TIGD1: variants seen among roughly 807,000 people sequenced by gnomAD.
TIGD1 encodes the protein tigger transposable element derived 1, also known as tigger transposable element-derived protein 1.
In TIGD1, 20 loss-of-function variants were observed where a neutral mutation model predicts 21.3. The observed-to-expected ratio is 0.94, with a 90% CI of 0.66 to 1.36. The LOEUF is 1.36. Ranked by LOEUF, TIGD1 falls within the 40% of genes most tolerant of loss-of-function variation. TIGD1 has a pLI of 0.00. For missense variants in TIGD1, 556 were observed against 350.5 expected (o/e 1.59, Z -4.68); for synonymous variants, 177 against 123.2 (o/e 1.44, Z -2.89).
Position 232,544,238 on chromosome 2 carries a change from T to C in TIGD1, c.*3869A>G, listed in dbSNP as rs1692077696. 3.8e-6 allele frequency: 3 copies of C among 788,788 alleles called. No homozygotes were observed. The highest frequency in any genetic ancestry group is 4.5e-6 in the Non-Finnish European group (2 of 444,482). 48.9% of individuals were successfully genotyped at this position (788,788 alleles called of 1,614,324 possible). ...GGCTCGTGTCCAGTATAGAAAGCTT[T>C]ACCAAGGCCACGTCACTGCCCCGGT... is the stretch of plus-strand genomic sequence containing the variant. On this transcript the variant is annotated 3_prime_UTR_variant, in exon 1 of 1. Transcript: ENST00000408957.
rs2106226030 is a variant in TIGD1, at chr2:232,548,828, T to C, written c.1055A>G (p.His352Arg). The change falls in exon 1 of 1, where the codon CAT becomes CGT. Residue 352 changes from histidine to arginine, a missense_variant. Transcript: ENST00000408957. ...FKSYYLRNTF[H>R]KALAAMDSDV... ...ACTATCCATGGCAGCTAGAGCCTTA[T>C]GAAATGTATTTCTCAAATAATAAGA... 7 of 581,982 alleles carry C rather than the reference T, an allele frequency of 1.2e-5. No individual in the cohort carries two copies. The highest frequency in any genetic ancestry group is 1.2e-4 in the South Asian group (7 of 60,306). The allele number at this position is 581,982 out of a possible 1,614,324, so 36.1% of individuals were successfully genotyped here. A position where few individuals can be genotyped will look rare whatever the true frequency, so the allele number is the denominator to read the frequency against.
rs377400953 is a variant in TIGD1, at chr2:232,545,766, T to A, written c.*2341A>T. The A allele has an allele frequency of 1.9e-5, 30 of 1,596,886 alleles. No individual in the cohort carries two copies. In the African/African-American group the frequency reaches 3.9e-4, roughly 21 times the overall value. ...TGGGAGTCACACACGTGGGTCACAC[T>A]GAGTCTTATCAGCCACGTTCTCCTA... is the stretch of plus-strand genomic sequence containing the variant. On this transcript the variant is annotated 3_prime_UTR_variant, in exon 1 of 1. Transcript: ENST00000408957.
rs901483680 is a variant in TIGD1 at position 232,548,957 on chromosome 2, C to T, written c.926G>A (p.Arg309Lys). The change falls in exon 1 of 1, where the codon AGA becomes AAA. Residue 309 changes from arginine (R) to lysine (K), a missense_variant. Arg to Lys is a conservative substitution (Grantham distance 26). Coordinates refer to ENST00000408957, the MANE Select transcript of TIGD1 (RefSeq NM_145702.4). ...LLIDNAPSHPRALMEIYEEIN... is the reference protein window; with the variant it reads ...LLIDNAPSHPKALMEIYEEIN... ...CTCCTCGTATATCTCCATCAGAGCT[C>T]TTGGATGACTAGGGGCATTGTCAAT... The T allele has an allele frequency of 1.5e-6, 1 of 687,168 alleles. No homozygotes were observed. The allele number at this position is 687,168 out of a possible 1,614,324, so 42.6% of individuals were successfully genotyped here.
chr2:232,549,665 C>T lies in TIGD1; in HGVS notation c.218G>A (p.Arg73Lys). Reference sequence around the variant, plus strand: ...ATCAGCAATAAGGCTGTTTCGCTTTCTTATCATTCGTGTGTTCATTGGAGT... The same window carrying T: ...ATCAGCAATAAGGCTGTTTCGCTTTTTTATCATTCGTGTGTTCATTGGAGT... ...SATPMNTRMI[R>K]KRNSLIADME... Residue 73 changes from arginine to lysine, a missense_variant, in exon 1 of 1, where the codon AGA becomes AAA. By Grantham distance (26) the Arg-to-Lys change is conservative. Transcript: ENST00000408957. 1 of 728,348 alleles carries T rather than the reference C, an allele frequency of 1.4e-6. No homozygotes were observed. Among genetic ancestry groups the T allele is most frequent in the South Asian group, 1.5e-5 (1 of 67,560 alleles). The allele number at this position is 728,348 out of a possible 1,614,324, so 45.1% of individuals were successfully genotyped here. A position where few individuals can be genotyped will look rare whatever the true frequency, so the allele number is the denominator to read the frequency against.
Position 232,545,417 on chromosome 2 carries a change from G to C in TIGD1, c.*2690C>G. On this transcript the variant is annotated 3_prime_UTR_variant, in exon 1 of 1. Coordinates refer to ENST00000408957, the MANE Select transcript of TIGD1 (RefSeq NM_145702.4). ...TGGAATTAGCCACCAGTTGGGACCCGGACATAGGTAAGAAGGGCCCCAGGA... is the reference window on the plus strand; with the variant it reads ...TGGAATTAGCCACCAGTTGGGACCCCGACATAGGTAAGAAGGGCCCCAGGA... 1.1e-6 allele frequency: 1 copy of C among 887,636 alleles called. No individual in the cohort carries two copies. Among genetic ancestry groups the C allele is most frequent in the Non-Finnish European group, 1.8e-6 (1 of 556,540 alleles). 55.0% of individuals were successfully genotyped at this position (887,636 alleles called of 1,614,324 possible). A position where few individuals can be genotyped will look rare whatever the true frequency, so the allele number is the denominator to read the frequency against.
Position 232,545,003 on chromosome 2 carries a change from G to A in TIGD1, c.*3104C>T. ...GGTTGCCAAGATAGGGCAGTGGGAT[G>A]GAAAAACATGAGGCCGGGTGCAGTG... On this transcript the variant is annotated 3_prime_UTR_variant, in exon 1 of 1. Coordinates refer to ENST00000408957, the MANE Select transcript of TIGD1 (RefSeq NM_145702.4). The A allele has an allele frequency of 1.3e-6, 2 of 1,489,054 alleles. No individual in the cohort carries two copies. Among genetic ancestry groups the A allele is most frequent in the South Asian group, 1.2e-5 (1 of 85,574 alleles). 92.2% of individuals were successfully genotyped at this position (1,489,054 alleles called of 1,614,324 possible). A position where few individuals can be genotyped will look rare whatever the true frequency, so the allele number is the denominator to read the frequency against.
chr2:232,545,627 G>A lies in TIGD1; in HGVS notation c.*2480C>T, dbSNP rs531106516. On this transcript the variant is annotated 3_prime_UTR_variant, in exon 1 of 1. Coordinates refer to ENST00000408957, the MANE Select transcript of TIGD1 (RefSeq NM_145702.4). ...GCTCTCGCTCTTCATCTGTGGCACAGCTGGCATCTTCCTCATGGCCCACTA... is the reference window on the plus strand; with the variant it reads ...GCTCTCGCTCTTCATCTGTGGCACAACTGGCATCTTCCTCATGGCCCACTA... 2 of 1,614,142 alleles carry A rather than the reference G, an allele frequency of 1.2e-6. No homozygotes were observed. The highest frequency in any genetic ancestry group is 1.3e-5 in the African/African-American group (1 of 75,060).
At position 232,550,502 on chromosome 2, in the gene TIGD1, G is replaced by A; in HGVS notation, c.-620C>T. ...AGAGCGGGCGGGTCACAAGGACCTG[G>A]ACAGAGGCAGAACTGAGGCCAGCAG... On this transcript the variant is annotated 5_prime_UTR_variant, in exon 1 of 1. Coordinates refer to ENST00000408957, the MANE Select transcript of TIGD1 (RefSeq NM_145702.4). The A allele has an allele frequency of 1.7e-6, 1 of 599,004 alleles. No homozygotes were observed. Among genetic ancestry groups the A allele is most frequent in the Non-Finnish European group, 3.0e-6 (1 of 337,966 alleles). The allele number at this position is 599,004 out of a possible 1,614,324, so 37.1% of individuals were successfully genotyped here. A position where few individuals can be genotyped will look rare whatever the true frequency, so the allele number is the denominator to read the frequency against.
At position 232,544,638 on chromosome 2, in the gene TIGD1, C is replaced by G; in HGVS notation, c.*3469G>C. On this transcript the variant is annotated 3_prime_UTR_variant, in exon 1 of 1. Coordinates refer to ENST00000408957, the MANE Select transcript of TIGD1 (RefSeq NM_145702.4). ...CTCCCCTGGGACCCCAGCTGGGGAG[C>G]CAGGCACAGCAGATGAGTGCTGGAG... 4 of 1,565,982 alleles carry G rather than the reference C, an allele frequency of 2.6e-6. No individual in the cohort carries two copies. The South Asian group carries it at 4.4e-5, about 17-fold the overall frequency.
Position 232,546,367 on chromosome 2 carries a change from G to T in TIGD1, c.*1740C>A. 1 of 145,452 alleles carries T rather than the reference G, an allele frequency of 6.9e-6. No individual in the cohort carries two copies. The highest frequency in any genetic ancestry group is 2.9e-5 in the African/African-American group (1 of 34,992). The allele number at this position is 145,452 out of a possible 1,614,324, so 9.0% of individuals were successfully genotyped here. On this transcript the variant is annotated 3_prime_UTR_variant, in exon 1 of 1. Transcript: ENST00000408957. ...TTGTTGTTGTTTTGTTTAGTTTTGA[G>T]ATAGAGCCTCACTCTTGTCATGCAA...
Position 232,545,222 on chromosome 2 carries a change from G to A in TIGD1, c.*2885C>T, listed in dbSNP as rs1162227862. ...CTCAGGAGGCTGAGGCAGGAGAATT[G>A]CTTGAACCTGGGAGGCGGAGGTTGC... On this transcript the variant is annotated 3_prime_UTR_variant, in exon 1 of 1. Coordinates refer to ENST00000408957, the MANE Select transcript of TIGD1 (RefSeq NM_145702.4). Among the ~76,000 whole-genome samples the A allele has an allele frequency of 2.0e-5, 3 of 151,928 alleles. No individual in the cohort carries two copies. The highest frequency in any genetic ancestry group is 4.4e-5 in the Non-Finnish European group (3 of 67,968).
Position 232,549,611 on chromosome 2 carries a change from T to G in TIGD1, c.272A>C (p.Glu91Ala). The G allele has an allele frequency of 1.4e-6, 1 of 693,834 alleles. No individual in the cohort carries two copies. Among genetic ancestry groups the G allele is most frequent in the Non-Finnish European group, 2.6e-6 (1 of 382,106 alleles). The allele number at this position is 693,834 out of a possible 1,614,324, so 43.0% of individuals were successfully genotyped here. A position where few individuals can be genotyped will look rare whatever the true frequency, so the allele number is the denominator to read the frequency against. Residue 91 changes from glutamate to alanine, a missense_variant, in exon 1 of 1, where the codon GAA becomes GCA. By Grantham distance (107) the Glu-to-Ala change is moderately radical. Coordinates refer to ENST00000408957, the MANE Select transcript of TIGD1 (RefSeq NM_145702.4). ...GGGAATGTTGCGGCTGGTCTGATCT[T>G]CTATCCAGACCACTAAAACCTTCTC... ...DMEKVLVVWI[E>A]DQTSRNIPLS...
chr2:232,547,530 A>G lies in TIGD1; in HGVS notation c.*577T>C, dbSNP rs1021127791. ...ACCTTGGAAATATGCCCTCCCTCCA[A>G]GCACAGGATTGCTGTCTTTGGGATT... On this transcript the variant is annotated 3_prime_UTR_variant, in exon 1 of 1. Coordinates refer to ENST00000408957, the MANE Select transcript of TIGD1 (RefSeq NM_145702.4). 7.9e-5 allele frequency among the ~76,000 whole-genome samples: 12 copies of G among 152,262 alleles called. No individual in the cohort carries two copies. The highest frequency in any genetic ancestry group is 2.9e-4 in the African/African-American group (12 of 41,474).
Position 232,548,824 on chromosome 2 carries a change from C to T in TIGD1, c.1059G>A (p.Lys353=), listed in dbSNP as rs992616781. ...CATCACTATCCATGGCAGCTAGAGC[C>T]TTATGAAATGTATTTCTCAAATAAT... ...KSYYLRNTFH[K]ALAAMDSDVS... is the part of the protein sequence containing the mutation. Residue 353 remains lysine (K), a synonymous_variant, in exon 1 of 1, where the codon AAG becomes AAA. Transcript: ENST00000408957. 1 of 577,472 alleles carries T rather than the reference C, an allele frequency of 1.7e-6. No homozygotes were observed. Among genetic ancestry groups the T allele is most frequent in the East Asian group, 3.8e-5 (1 of 26,024 alleles). The allele number at this position is 577,472 out of a possible 1,614,324, so 35.8% of individuals were successfully genotyped here. A position where few individuals can be genotyped will look rare whatever the true frequency, so the allele number is the denominator to read the frequency against.
chr2:232,548,678 A>G lies in TIGD1; in HGVS notation c.1205T>C (p.Val402Ala). 1 of 483,210 alleles carries G rather than the reference A, an allele frequency of 2.1e-6. No individual in the cohort carries two copies. The highest frequency in any genetic ancestry group is 4.0e-6 in the Non-Finnish European group (1 of 252,390). 29.9% of individuals were successfully genotyped at this position (483,210 alleles called of 1,614,324 possible). A position where few individuals can be genotyped will look rare whatever the true frequency, so the allele number is the denominator to read the frequency against. Residue 402 changes from valine to alanine, a missense_variant, in exon 1 of 1, where the codon GTT becomes GCT. By Grantham distance (64) the Val-to-Ala change is moderately conservative (BLOSUM62 0). Coordinates refer to ENST00000408957, the MANE Select transcript of TIGD1 (RefSeq NM_145702.4). ...GAGGGTGGGAATCAACTTCTTCCAA[A>G]CTCCTGTTAATGTTGACAATTTGAC... ...EEVKLSTLTG[V>A]WKKLIPTLID...
Position 232,549,984 on chromosome 2 carries a change from G to C in TIGD1, c.-102C>G, listed in dbSNP as rs1021122571. 4 of 646,450 alleles carry C rather than the reference G, an allele frequency of 6.2e-6. No individual in the cohort carries two copies. The highest frequency in any genetic ancestry group is 2.9e-5 in the East Asian group (1 of 34,830). The allele number at this position is 646,450 out of a possible 1,614,324, so 40.0% of individuals were successfully genotyped here. A position where few individuals can be genotyped will look rare whatever the true frequency, so the allele number is the denominator to read the frequency against. ...ATGGGGAACGGTCTGTGGGTGGAGC[G>C]GTCAGAACACACACAACATTAAGTT... On this transcript the variant is annotated 5_prime_UTR_variant, in exon 1 of 1. Coordinates refer to ENST00000408957, the MANE Select transcript of TIGD1 (RefSeq NM_145702.4).
In TIGD1 at chr2:232,545,462, T is replaced by C; in HGVS notation, c.*2645A>G. Reference sequence around the variant, plus strand: ...CCAGGAAATGGAGACATGGGCCTGCTGGAAGCCCAAGGATGAGAACAGGAC... The same window carrying C: ...CCAGGAAATGGAGACATGGGCCTGCCGGAAGCCCAAGGATGAGAACAGGAC... On this transcript the variant is annotated 3_prime_UTR_variant, in exon 1 of 1. Transcript: ENST00000408957. 1 of 1,294,304 alleles carries C rather than the reference T, an allele frequency of 7.7e-7. No homozygotes were observed. The highest frequency in any genetic ancestry group is 1.1e-6 in the Non-Finnish European group (1 of 918,468). 80.2% of individuals were successfully genotyped at this position (1,294,304 alleles called of 1,614,324 possible).
In TIGD1 at chr2:232,548,843, AAAT is replaced by A. The variant is rs1692190354; in HGVS notation, c.1037_1039del (p.Tyr346del). On this transcript the variant is annotated inframe_deletion, in exon 1 of 1. Transcript: ENST00000408957. ...TAGAGCCTTATGAAATGTATTTCTC[AAAT>A]AATAAGACTTGAAGGTCGAAATTAC... 1.7e-6 allele frequency: 1 copy of A among 601,532 alleles called. No homozygotes were observed. The highest frequency in any genetic ancestry group is 3.1e-6 in the Non-Finnish European group (1 of 327,350). 37.3% of individuals were successfully genotyped at this position (601,532 alleles called of 1,614,324 possible).
chr2:232,545,764 A>C lies in TIGD1; in HGVS notation c.*2343T>G, dbSNP rs1329683219. 1.9e-6 allele frequency: 3 copies of C among 1,599,890 alleles called. No individual in the cohort carries two copies. The highest frequency in any genetic ancestry group is 4.5e-5 in the East Asian group (2 of 44,822). ...TGTGGGAGTCACACACGTGGGTCAC[A>C]CTGAGTCTTATCAGCCACGTTCTCC... On this transcript the variant is annotated 3_prime_UTR_variant, in exon 1 of 1. Coordinates refer to ENST00000408957, the MANE Select transcript of TIGD1 (RefSeq NM_145702.4).
Sources: allele counts gnomAD v4.1 joint callset (sites outside exome capture counted in the v4.1 genomes callset), GRCh38; gene constraint gnomAD v4.1.1; transcripts MANE v1.5; gene names NCBI Gene and HGNC (gene_info 2026-07-23, HGNC 2026-07-21).